PCOLCE2: variants seen among roughly 807,000 people sequenced by gnomAD.
PCOLCE2 encodes the protein procollagen C-endopeptidase enhancer 2, also known as procollagen C-proteinase enhancer 2.
In PCOLCE2, 42 loss-of-function variants were observed where a neutral mutation model predicts 47.0. The ratio of observed to expected loss-of-function variants is 0.89; its 90% CI spans 0.70 to 1.16. PCOLCE2 has a LOEUF of 1.16. Ranked by LOEUF, PCOLCE2 falls within the 50% of genes most tolerant of loss-of-function variation. The pLI is 0.00. For missense variants in PCOLCE2, 500 were observed against 526.1 expected (o/e 0.95, Z 0.49); for synonymous variants, 169 against 191.7 (o/e 0.88, Z 0.98).
At chr3:142,887,507 T>C (rs1428548195) in intron 2 of PCOLCE2, 162 bp downstream of exon 2, 8 of 597,204 alleles carry the variant, frequency 1.3e-5, no homozygotes, top group South Asian at 6.3e-5. Flanking sequence ...CTAGATCTAT[T>C]ATATTAATAA....
chr3:142,853,506 G>A (rs1390613759), intron 2 of PCOLCE2, among the ~76,000 whole-genome samples: 1 of 152,150 alleles, frequency 6.6e-6, no homozygotes, highest in Non-Finnish European at 1.5e-5. Flanking sequence ...CCAAGTTAAA[G>A]CTTAACATCA....
chr3:142,818,859 G>A (rs1246542530), intron 8 of PCOLCE2, among the ~76,000 whole-genome samples: 2 of 152,232 alleles, frequency 1.3e-5, no homozygotes, highest in Admixed American at 6.5e-5. Flanking sequence ...GCCATGTCCC[G>A]CTCTGCAGTG....
intron 2 of PCOLCE2, among the ~76,000 whole-genome samples, chr3:142,857,231 T>C (rs1933081122): frequency 6.6e-6 from 1 of 152,166 alleles, no homozygotes; most frequent in Admixed American, 6.5e-5. Flanking sequence ...CAGCAAATGC[T>C]TGGAGACTGG....
intron 5 of PCOLCE2, among the ~76,000 whole-genome samples, chr3:142,832,983 T>C (rs1247636675): frequency 6.6e-6 from 1 of 152,194 alleles, no homozygotes; most frequent in African/African-American, 2.4e-5. Flanking sequence ...CCCTGGTAAA[T>C]GAGTGATGCT....
chr3:142,843,077 C>T (rs747142879), intron 3 of PCOLCE2, 29 bp from the exon 4 acceptor site: 5 of 1,607,960 alleles, frequency 3.1e-6, no homozygotes, highest in Non-Finnish European at 1.7e-6. Context: ...GAAAAAAGCC[C>T]ACAAGTTTAT....
intron 6 of PCOLCE2, chr3:142,827,389 T>A: frequency 6.4e-7 from 1 of 1,559,806 alleles, no homozygotes; most frequent in East Asian, 2.2e-5. Flanking sequence ...CTCTGTTGGC[T>A]GAGGAGACAA....
At chr3:142,839,315 AT>A (rs56746491) in intron 4 of PCOLCE2, among the ~76,000 whole-genome samples, 2,316 of 145,992 alleles carry the variant, frequency 0.016, 30 homozygotes, top group African/African-American at 0.044. Flanking sequence ...CTGAGAGTAA[AT>A]TTTTTTTTTT....
intron 2 of PCOLCE2, among the ~76,000 whole-genome samples, chr3:142,877,478 A>G (rs982780457): frequency 7.2e-5 from 11 of 152,224 alleles, no homozygotes; most frequent in African/African-American, 2.7e-4. Flanking sequence ...AAGGGAGGTT[A>G]AAAAATAAAT....
At chr3:142,879,782 A>G (rs1211511902) in intron 2 of PCOLCE2, among the ~76,000 whole-genome samples, 3 of 151,930 alleles carry the variant, frequency 2.0e-5, no homozygotes, top group Non-Finnish European at 4.4e-5. Context: ...ATCCTGGCTA[A>G]CACGGTGAAA....
At position 142,821,070 on chromosome 3, in the gene PCOLCE2, G is replaced by C. The variant is rs1266222711; in HGVS notation, c.950-25C>G. On this transcript the variant is annotated intron_variant, in intron 7 of 8. Coordinates refer to ENST00000295992, the MANE Select transcript of PCOLCE2 (RefSeq NM_013363.4). Reference sequence around the variant, plus strand: ...ACTGCAGAAGAAAACATTTTGAAGTGATGTGACAGTGAAGGCAAATGCAAG... The same window carrying C: ...ACTGCAGAAGAAAACATTTTGAAGTCATGTGACAGTGAAGGCAAATGCAAG... 5 of 1,559,042 alleles carry C rather than the reference G, an allele frequency of 3.2e-6. No homozygotes were observed. In the East Asian group the frequency reaches 1.1e-4, roughly 36 times the overall value.
intron 1 of PCOLCE2, 50 bp downstream of exon 1, chr3:142,888,764 G>A: frequency 8.9e-7 from 1 of 1,128,682 alleles, no homozygotes; most frequent in Non-Finnish European, 1.2e-6. Context: ...GGCTGCAGGG[G>A]TGGAGGAAGG....
chr3:142,838,783 C>T lies in PCOLCE2; in HGVS notation c.697G>A (p.Asp233Asn), dbSNP rs765376948. The change falls in exon 5 of 9, where the codon GAT (aspartate) becomes AAT (asparagine). Residue 233 changes from aspartate to asparagine, a missense_variant. Coordinates refer to ENST00000295992, the MANE Select transcript of PCOLCE2 (RefSeq NM_013363.4). ...GGTGCTACTTACGCAGGTGGACTAT[C>T]ACCACAATACTTTCCAATTCTTCTA... ...DARRIGKYCG[D>N]SPPAPIVSER... 18 of 1,613,042 alleles carry T rather than the reference C, an allele frequency of 1.1e-5. No individual in the cohort carries two copies. In the South Asian group the frequency reaches 1.5e-4, roughly 14 times the overall value.
intron 2 of PCOLCE2, among the ~76,000 whole-genome samples, chr3:142,867,623 A>T (rs1933310684): frequency 6.6e-6 from 1 of 152,124 alleles, no homozygotes; most frequent in South Asian, 2.1e-4. Context: ...GTTCAATCTT[A>T]TTAGCCATCA....
intron 2 of PCOLCE2, among the ~76,000 whole-genome samples, chr3:142,877,839 AG>A: frequency 6.6e-6 from 1 of 152,294 alleles, no homozygotes; most frequent in Middle Eastern, 3.4e-3. Context: ...TACCTCGCCC[AG>A]CCCCATTCAG....
chr3:142,827,929 C>T (rs1578029873), intron 6 of PCOLCE2, among the ~76,000 whole-genome samples: 1 of 152,170 alleles, frequency 6.6e-6, no homozygotes, highest in African/African-American at 2.4e-5. Flanking sequence ...AAGCCCGGGA[C>T]CTGGGAGGCA....
At chr3:142,884,515 C>T (rs1004489356) in intron 2 of PCOLCE2, among the ~76,000 whole-genome samples, 1 of 152,154 alleles carries the variant, frequency 6.6e-6, no homozygotes, top group Non-Finnish European at 1.5e-5. Context: ...AACTCTCAAC[C>T]CCATCATGGA....
intron 5 of PCOLCE2, among the ~76,000 whole-genome samples, chr3:142,835,026 A>G (rs992120168): frequency 1.3e-5 from 2 of 151,954 alleles, no homozygotes; most frequent in African/African-American, 2.4e-5. Flanking sequence ...TTTTTGCTTG[A>G]AAAAAATAGA....
intron 2 of PCOLCE2, among the ~76,000 whole-genome samples, chr3:142,873,614 G>A (rs1212976224): frequency 1.3e-5 from 2 of 152,082 alleles, no homozygotes; most frequent in Non-Finnish European, 2.9e-5. Context: ...CAACTGACTA[G>A]CGGAATGTAA....
In PCOLCE2 at chr3:142,821,011, G is replaced by A. The variant is rs767765923; in HGVS notation, c.984C>T (p.Arg328=). 6.8e-6 allele frequency: 11 copies of A among 1,612,880 alleles called. No individual in the cohort carries two copies. Among genetic ancestry groups the A allele is most frequent in the Admixed American group, 5.0e-5 (3 of 60,008 alleles). The change falls in exon 8 of 9, where the codon CGC becomes CGT. Residue 328 remains arginine (R), a synonymous_variant. Coordinates refer to ENST00000295992, the MANE Select transcript of PCOLCE2 (RefSeq NM_013363.4). ...LAGTVITTIT[R]DGSLHATVSI... ...AGACTGTGGCGTGCAAACTCCCATC[G>A]CGAGTGATGGTTGTGATAACAGTGC...
Sources: allele counts gnomAD v4.1 joint callset (sites outside exome capture counted in the v4.1 genomes callset), GRCh38; gene constraint gnomAD v4.1.1; transcripts MANE v1.5; gene names NCBI Gene and HGNC (gene_info 2026-07-23, HGNC 2026-07-21).